The following C3orf18 variants were observed in gnomAD, a reference collection of about 807,000 sequenced individuals.
The protein encoded by C3orf18 is chromosome 3 open reading frame 18.
In C3orf18, 12 loss-of-function variants were observed where a neutral mutation model predicts 14.1. The ratio of observed to expected loss-of-function variants is 0.85; its 90% CI spans 0.55 to 1.38. C3orf18 has a LOEUF of 1.38. C3orf18 is among the 40% of genes most tolerant of loss of function. The pLI is 0.00. For synonymous variants in C3orf18, 82 were observed against 87.9 expected, an observed-to-expected ratio of 0.93 and a Z score of 0.38; for missense variants, 196 against 213.9, an observed-to-expected ratio of 0.92 and a Z score of 0.52.
Position 50,558,653 on chromosome 3 carries a change from C to G in C3orf18, c.*1004G>C. Reference sequence around the variant, plus strand: ...CTCAGACCAACAGCCTCTCCCAACCCCAGATCCTCATTAGAGCCCAAGACA... The same window carrying G: ...CTCAGACCAACAGCCTCTCCCAACCGCAGATCCTCATTAGAGCCCAAGACA... On this transcript the variant is annotated 3_prime_UTR_variant, in exon 6 of 6. Coordinates refer to ENST00000357203, the MANE Select transcript of C3orf18 (RefSeq NM_016210.5). 1 of 1,265,420 alleles carries G rather than the reference C, an allele frequency of 7.9e-7. No homozygotes were observed. Among genetic ancestry groups the G allele is most frequent in the African/African-American group, 1.5e-5 (1 of 65,720 alleles). The allele number at this position is 1,265,420 out of a possible 1,614,324, so 78.4% of individuals were successfully genotyped here.
chr3:50,560,870 G>A (rs1268353470), intron 5 of C3orf18, 47 bp downstream of exon 5: 6 of 1,566,670 alleles, frequency 3.8e-6, no homozygotes, highest in South Asian at 2.4e-5. Context: ...TGAGGGTGGA[G>A]GACAGAGGAT....
At position 50,560,957 on chromosome 3, in the gene C3orf18, G is replaced by A; in HGVS notation, c.368C>T (p.Ser123Phe). The change falls in exon 5 of 6, where the codon TCT becomes TTT. Residue 123 changes from serine to phenylalanine, a missense_variant. Ser to Phe is a radical substitution (Grantham distance 155). Transcript: ENST00000357203. Reference sequence around the variant, plus strand: ...CTGCACAGAAGTAGCAGCCTGTACAGAGGCGGCGTCCCGCCCATGCTCCAG... The same window carrying A: ...CTGCACAGAAGTAGCAGCCTGTACAAAGGCGGCGTCCCGCCCATGCTCCAG... ...ELLEHGRDAA[S>F]VQAATSVQAM... 1 of 1,614,098 alleles carries A rather than the reference G, an allele frequency of 6.2e-7. No homozygotes were observed. Among genetic ancestry groups the A allele is most frequent in the South Asian group, 1.1e-5 (1 of 91,070 alleles).
Position 50,560,949 on chromosome 3 carries a change from C to A in C3orf18, c.376G>T (p.Ala126Ser). The part of the protein sequence containing the change: ...EHGRDAASVQ[A>S]ATSVQAMQGK... ...TGCATGGCCTGCACAGAAGTAGCAGCCTGTACAGAGGCGGCGTCCCGCCCA... is the reference window on the plus strand; with the variant it reads ...TGCATGGCCTGCACAGAAGTAGCAGACTGTACAGAGGCGGCGTCCCGCCCA... Residue 126 changes from alanine to serine, a missense_variant, in exon 5 of 6, where the codon GCT (alanine) becomes TCT (serine). Physicochemically the swap from Ala to Ser is moderately conservative, Grantham distance 99. Coordinates refer to ENST00000357203, the MANE Select transcript of C3orf18 (RefSeq NM_016210.5). The A allele has an allele frequency of 8.1e-6, 13 of 1,613,850 alleles. No individual in the cohort carries two copies. The highest frequency in any genetic ancestry group is 1.1e-5 in the Non-Finnish European group (13 of 1,179,892).
chr3:50,574,626 A>T (rs1315251599), upstream of C3orf18, among the ~76,000 whole-genome samples: 1 of 152,002 alleles, frequency 6.6e-6, no homozygotes, highest in Non-Finnish European at 1.5e-5. Context: ...CACCCTACCA[A>T]CCTCTCAGCT....
upstream of C3orf18, among the ~76,000 whole-genome samples, chr3:50,573,390 G>A (rs897363097): frequency 8.5e-5 from 13 of 152,318 alleles, no homozygotes; most frequent in East Asian, 1.5e-3. Flanking sequence ...CTGAAAACAC[G>A]TGATCTCTGG....
At chr3:50,570,940 C>T (rs1353268917), upstream of C3orf18, 2 of 512,366 alleles carry the variant, frequency 3.9e-6, no homozygotes, top group East Asian at 6.6e-5. Context: ...GGGTGGCAAC[C>T]AACTATATCT....
At chr3:50,567,039 C>A (rs926945164) in intron 1 of C3orf18, among the ~76,000 whole-genome samples, 4 of 152,148 alleles carry the variant, frequency 2.6e-5, no homozygotes, top group Admixed American at 2.6e-4. Context: ...CTCTGATGGT[C>A]CCTGAGGAAG....
chr3:50,559,127 C>T lies in C3orf18; in HGVS notation c.*530G>A, dbSNP rs1389330109. 1.6e-6 allele frequency: 2 copies of T among 1,289,868 alleles called. No homozygotes were observed. Among genetic ancestry groups the T allele is most frequent in the East Asian group, 1.1e-4 (2 of 18,020 alleles). 79.9% of individuals were successfully genotyped at this position (1,289,868 alleles called of 1,614,324 possible). A position where few individuals can be genotyped will look rare whatever the true frequency, so the allele number is the denominator to read the frequency against. On this transcript the variant is annotated 3_prime_UTR_variant, in exon 6 of 6. Coordinates refer to ENST00000357203, the MANE Select transcript of C3orf18 (RefSeq NM_016210.5). ...GCCCTTCTCCTGGCATCCTTGCATA[C>T]TGGACAGTTTCAGCTCCATCTCTGG... is the stretch of plus-strand genomic sequence containing the variant.
upstream of C3orf18, chr3:50,571,534 C>T (rs1454455753): frequency 1.6e-5 from 11 of 706,316 alleles, no homozygotes; most frequent in Non-Finnish European, 2.7e-5. Flanking sequence ...GGGATAGACA[C>T]CTGGAAGCCT....
chr3:50,565,022 C>T lies in C3orf18; in HGVS notation c.234+444G>A, dbSNP rs1575844831. Among the ~76,000 whole-genome samples the T allele has an allele frequency of 6.6e-6, 1 of 152,322 alleles. No homozygotes were observed. Among genetic ancestry groups the T allele is most frequent in the Non-Finnish European group, 1.5e-5 (1 of 68,026 alleles). On this transcript the variant is annotated intron_variant, in intron 3 of 5. Transcript: ENST00000357203. The surrounding 1 kb of genome is among the most constrained non-coding windows in gnomAD (Gnocchi z 4.4). ...CAGTTGGAAGCGTAGCCTCTCTGGT[C>T]TCTGGGCCCCAGTGGACAAATCTCT...
chr3:50,573,422 C>T (rs1701240565), upstream of C3orf18, among the ~76,000 whole-genome samples: 1 of 152,228 alleles, frequency 6.6e-6, no homozygotes, highest in Admixed American at 6.5e-5. Context: ...TTTGCTGTCT[C>T]CGGCTTCCCA....
At position 50,559,623 on chromosome 3, in the gene C3orf18, T is replaced by A; in HGVS notation, c.*34A>T. 6.6e-7 allele frequency: 1 copy of A among 1,524,792 alleles called. No homozygotes were observed. The highest frequency in any genetic ancestry group is 2.1e-5 in the Admixed American group (1 of 47,994). 94.5% of individuals were successfully genotyped at this position (1,524,792 alleles called of 1,614,324 possible). The stretch of plus-strand genomic sequence containing the variant: ...GGAGCTCTGTAGGCACCGTGATGGG[T>A]CTCTATCAGAAGTCCAGGCTTGTCC... On this transcript the variant is annotated 3_prime_UTR_variant, in exon 6 of 6. Transcript: ENST00000357203.
At chr3:50,572,609 C>T (rs1701129035), upstream of C3orf18, among the ~76,000 whole-genome samples, 1 of 152,210 alleles carries the variant, frequency 6.6e-6, no homozygotes, top group Non-Finnish European at 1.5e-5. Flanking sequence ...ACCTGGAGAC[C>T]TGGTATCAGC....
upstream of C3orf18, chr3:50,569,339 G>C (rs1019487635): frequency 1.3e-5 from 2 of 152,314 alleles, no homozygotes; most frequent in African/African-American, 4.8e-5. Flanking sequence ...GCCTGCGAGC[G>C]TAGAGGGAGT....
intron 1 of C3orf18, among the ~76,000 whole-genome samples, chr3:50,567,086 T>C (rs570931817): frequency 1.3e-5 from 2 of 152,262 alleles, no homozygotes; most frequent in African/African-American, 4.8e-5. Context: ...GTAGAAAGGC[T>C]CATCCCTCTT....
chr3:50,562,932 G>T (rs1383137114), intron 3 of C3orf18, among the ~76,000 whole-genome samples: 1 of 152,194 alleles, frequency 6.6e-6, no homozygotes, highest in Non-Finnish European at 1.5e-5. Context: ...GAGGAAGTGG[G>T]TAAGACTTGG....
Position 50,565,333 on chromosome 3 carries a change from C to T in C3orf18, c.234+133G>A, listed in dbSNP as rs1575845837. ...AGTGAGCTGAGATCAAGCCATTGCACTCCAGCCTGCATGACAGAGCAAGAC... is the reference window on the plus strand; with the variant it reads ...AGTGAGCTGAGATCAAGCCATTGCATTCCAGCCTGCATGACAGAGCAAGAC... On this transcript the variant is annotated intron_variant, in intron 3 of 5. Coordinates refer to ENST00000357203, the MANE Select transcript of C3orf18 (RefSeq NM_016210.5). This position sits in a 1 kb window ranked among gnomAD's most constrained non-coding sequence, Gnocchi z 4.4. The T allele has an allele frequency of 1.4e-6, 1 of 726,924 alleles. No homozygotes were observed. The highest frequency in any genetic ancestry group is 2.3e-6 in the Non-Finnish European group (1 of 432,720). The allele number at this position is 726,924 out of a possible 1,614,324, so 45.0% of individuals were successfully genotyped here. A position where few individuals can be genotyped will look rare whatever the true frequency, so the allele number is the denominator to read the frequency against.
chr3:50,559,295 T>A lies in C3orf18; in HGVS notation c.*362A>T, dbSNP rs897593523. On this transcript the variant is annotated 3_prime_UTR_variant, in exon 6 of 6. Coordinates refer to ENST00000357203, the MANE Select transcript of C3orf18 (RefSeq NM_016210.5). Reference sequence around the variant, plus strand: ...GGAAACCTCCCCTTTCCTCCCCCAATCCCTCCCACTCCGTATCTCCCTCAT... The same window carrying A: ...GGAAACCTCCCCTTTCCTCCCCCAAACCCTCCCACTCCGTATCTCCCTCAT... 4.3e-5 allele frequency: 53 copies of A among 1,241,926 alleles called. No individual in the cohort carries two copies. Among genetic ancestry groups the A allele is most frequent in the Non-Finnish European group, 5.2e-5 (51 of 972,522 alleles). The allele number at this position is 1,241,926 out of a possible 1,614,324, so 76.9% of individuals were successfully genotyped here.
At chr3:50,570,604 T>C (rs1291069206), upstream of C3orf18, 1 of 152,406 alleles carries the variant, frequency 6.6e-6, no homozygotes, top group Non-Finnish European at 1.5e-5. Context: ...TCTTATGGAT[T>C]AAGAAAGTGA....
Sources: gnomAD v4.1 joint callset for allele counts (sites outside exome capture counted in the v4.1 genomes callset) on GRCh38, gnomAD v4.1.1 for gene constraint, Gnocchi (gnomAD v3.1) non-coding constraint, MANE v1.5 for transcripts, NCBI Gene and HGNC (gene_info 2026-07-23, HGNC 2026-07-21) for gene names.